The following CACHD1 variants were observed in gnomAD, a reference collection of about 807,000 sequenced individuals.
CACHD1 encodes VWFA and cache domain-containing protein 1.
Under a neutral mutation model 138.7 loss-of-function variants are expected in CACHD1, and 71 were observed. The observed-to-expected ratio is 0.51, with a 90% CI of 0.42 to 0.62. The LOEUF (loss-of-function observed/expected upper bound fraction) is 0.62, where lower values mean the gene tolerates loss of function less well. CACHD1 is among the 20% of genes least tolerant of loss of function. The pLI is 0.00. For synonymous variants in CACHD1, 578 were observed against 591.5 expected (o/e 0.98, Z 0.33); for missense variants, 1,389 against 1,625.3 (o/e 0.85, Z 2.50).
chr1:64,659,492 C>T (rs774510354), intron 13 of CACHD1, among the ~76,000 whole-genome samples: 7 of 152,166 alleles, frequency 4.6e-5, no homozygotes, highest in Admixed American at 6.5e-5. Context: ...CTTAGGAATT[C>T]GAAGATAATT....
chr1:64,676,597 C>T (rs1447244322), intron 21 of CACHD1, among the ~76,000 whole-genome samples: 5 of 152,122 alleles, frequency 3.3e-5, no homozygotes, highest in African/African-American at 4.8e-5. Flanking sequence ...CTACCTCCCT[C>T]GTAGCTGGGA....
At position 64,590,344 on chromosome 1, in the gene CACHD1, A is replaced by G. The variant is rs888853063; in HGVS notation, c.410+8040A>G. On this transcript the variant is annotated intron_variant, in intron 3 of 26. Coordinates refer to ENST00000651257, the MANE Select transcript of CACHD1 (RefSeq NM_020925.4). ...TCTCAAAAAAAAAAAAAAAAAAAAAAGTTAATGCTCATGTAACTGAGCTGC... is the reference window on the plus strand; with the variant it reads ...TCTCAAAAAAAAAAAAAAAAAAAAAGGTTAATGCTCATGTAACTGAGCTGC... 3.7e-5 allele frequency among the ~76,000 whole-genome samples: 5 copies of G among 134,162 alleles called. No homozygotes were observed. The Middle Eastern group carries it at 0.012, about 312-fold the overall frequency. 88.0% of individuals were successfully genotyped at this position (134,162 alleles called of 152,430 possible).
intron 19 of CACHD1, 113 bp downstream of exon 19, chr1:64,673,577 C>A: frequency 1.1e-6 from 1 of 881,936 alleles, no homozygotes; most frequent in Non-Finnish European, 1.8e-6. Context: ...CGCCTTAGAA[C>A]TATAGAATGA....
chr1:64,522,599 C>G (rs960039640), intron 1 of CACHD1, among the ~76,000 whole-genome samples: 5 of 151,936 alleles, frequency 3.3e-5, no homozygotes, highest in Admixed American at 6.6e-5. Context: ...GAGCCCTGGT[C>G]GGAGCAAGTT....
At chr1:64,550,882 A>G (rs1204803894) in intron 2 of CACHD1, among the ~76,000 whole-genome samples, 1 of 152,224 alleles carries the variant, frequency 6.6e-6, no homozygotes, top group Admixed American at 6.5e-5. Flanking sequence ...ATTTGGAACT[A>G]TTTAATTCCT....
intron 4 of CACHD1, among the ~76,000 whole-genome samples, chr1:64,610,264 T>G (rs1313314893): frequency 6.6e-6 from 1 of 152,114 alleles, no homozygotes; most frequent in Non-Finnish European, 1.5e-5. Context: ...AAAACTAATG[T>G]CCTGACAATT....
chr1:64,550,679 C>T (rs540270497), intron 2 of CACHD1, 23 bp downstream of exon 2: 2 of 1,501,910 alleles, frequency 1.3e-6, no homozygotes, highest in Middle Eastern at 1.7e-4. Flanking sequence ...GAGTACTTGA[C>T]ACTCCCTGTC....
At chr1:64,631,631 CTCCT>C (rs1648307234) in intron 5 of CACHD1, among the ~76,000 whole-genome samples, 1 of 152,170 alleles carries the variant, frequency 6.6e-6, no homozygotes, top group Admixed American at 6.5e-5. Context: ...CTTTCTTAAA[CTCCT>C]TCTAATTTGT....
intron 1 of CACHD1, among the ~76,000 whole-genome samples, chr1:64,525,414 G>C (rs747397279): frequency 6.6e-6 from 1 of 151,994 alleles, no homozygotes; most frequent in South Asian, 2.1e-4. Flanking sequence ...TTTCCTCCCC[G>C]GTAAGATGAG....
At chr1:64,634,783 G>A (rs993341164) in intron 7 of CACHD1, among the ~76,000 whole-genome samples, 2 of 151,832 alleles carry the variant, frequency 1.3e-5, no homozygotes, top group African/African-American at 2.4e-5. Context: ...TCACAAGGTC[G>A]GGAGTTCGAG....
At chr1:64,683,752 A>G (rs1650266060) in intron 26 of CACHD1, among the ~76,000 whole-genome samples, 1 of 152,210 alleles carries the variant, frequency 6.6e-6, no homozygotes, top group Non-Finnish European at 1.5e-5. Flanking sequence ...AAGAAGGGGA[A>G]GGCATTGACA....
chr1:64,606,449 A>C (rs1251367586), intron 4 of CACHD1, among the ~76,000 whole-genome samples: 2 of 152,098 alleles, frequency 1.3e-5, no homozygotes, highest in Non-Finnish European at 2.9e-5. Context: ...GGTGGTGTGA[A>C]AGAGCTGGGA....
intron 1 of CACHD1, among the ~76,000 whole-genome samples, chr1:64,479,441 C>T (rs115200638): frequency 0.014 from 2,194 of 152,182 alleles, 61 homozygotes; most frequent in African/African-American, 0.051. Flanking sequence ...AAGAGTGGAC[C>T]TCCCAGAAGG....
intron 16 of CACHD1, among the ~76,000 whole-genome samples, chr1:64,666,848 C>CAAAA (rs946649209): frequency 1.2e-4 from 4 of 33,948 alleles, no homozygotes; most frequent in African/African-American, 1.2e-4. Flanking sequence ...GATCCTGTCT[C>CAAAA]AAAAAAAAAA....
chr1:64,580,810 C>T (rs1647006434), intron 2 of CACHD1, among the ~76,000 whole-genome samples: 1 of 152,240 alleles, frequency 6.6e-6, no homozygotes, highest in South Asian at 2.1e-4. Context: ...CAAGTTGTGA[C>T]AATCAAAATT....
chr1:64,655,102 T>TA (rs575813125), intron 12 of CACHD1, among the ~76,000 whole-genome samples: 6 of 152,156 alleles, frequency 3.9e-5, no homozygotes, highest in South Asian at 2.1e-4. Flanking sequence ...CCCATCTCTA[T>TA]AAAAAAATGT....
chr1:64,681,557 T>TTTTTTTTTC (rs1650191276), intron 25 of CACHD1, among the ~76,000 whole-genome samples: 1 of 138,284 alleles, frequency 7.2e-6, no homozygotes, highest in Non-Finnish European at 1.6e-5. Flanking sequence ...TTTTTTTTTT[T>TTTTTTTTTC]TTTTTTTGCA....
chr1:64,656,387 T>G (rs1466286048), intron 12 of CACHD1, among the ~76,000 whole-genome samples: 1 of 152,186 alleles, frequency 6.6e-6, no homozygotes, highest in Admixed American at 6.5e-5. Flanking sequence ...TAAAGATAAA[T>G]TATTTAATTT....
chr1:64,572,752 T>TCA (rs1646936200), intron 2 of CACHD1, among the ~76,000 whole-genome samples: 1 of 152,162 alleles, frequency 6.6e-6, no homozygotes, highest in South Asian at 2.1e-4. Flanking sequence ...GATCAGGGTA[T>TCA]GTGACCCTGG....
Sources: allele counts gnomAD v4.1 joint callset (sites outside exome capture counted in the v4.1 genomes callset), GRCh38; gene constraint gnomAD v4.1.1; transcripts MANE v1.5; gene names NCBI Gene and HGNC (gene_info 2026-07-23, HGNC 2026-07-21).